The following AASDH variants were observed in gnomAD, a reference collection of about 807,000 sequenced individuals.
The protein encoded by AASDH is aminoadipate-semialdehyde dehydrogenase.
In AASDH, 81 loss-of-function variants were observed where a neutral mutation model predicts 102.3. That is an observed-to-expected ratio of 0.79 (90% CI 0.66 to 0.95). The LOEUF (loss-of-function observed/expected upper bound fraction) is 0.95. Ranked by LOEUF, AASDH falls within the 40% of genes least tolerant of loss-of-function variation. The pLI is 0.00. For missense variants in AASDH, 1,203 were observed against 1,266.2 expected, an observed-to-expected ratio of 0.95 and a Z score of 0.76; for synonymous variants, 398 against 454.0, an observed-to-expected ratio of 0.88 and a Z score of 1.57.
intron 5 of AASDH, among the ~76,000 whole-genome samples, chr4:56,357,868 A>G (rs1230729782): frequency 6.6e-6 from 1 of 151,678 alleles, no homozygotes; most frequent in East Asian, 1.9e-4. Flanking sequence ...GGATCAACTT[A>G]TTCATTTCTA....
At chr4:56,343,722 TG>T (rs1026550001) in intron 12 of AASDH, 38 bp from the exon 13 acceptor site, 3 of 1,582,198 alleles carry the variant, frequency 1.9e-6, no homozygotes. Flanking sequence ...TTCTTGTTGA[TG>T]GTTAACAAAT....
At chr4:56,371,743 TG>T in intron 4 of AASDH, 100 bp from the exon 5 acceptor site, 2 of 1,120,484 alleles carry the variant, frequency 1.8e-6, no homozygotes, top group Non-Finnish European at 2.4e-6. Context: ...AGTTTCTGAA[TG>T]TTGGCCAGAT....
chr4:56,356,748 G>T, intron 5 of AASDH: 1 of 721,826 alleles, frequency 1.4e-6, no homozygotes, highest in South Asian at 1.4e-5. Flanking sequence ...CCTTCACACA[G>T]GTTAACTTGG....
In AASDH at chr4:56,349,947, G is replaced by A. The variant is rs1042203320; in HGVS notation, c.1804C>T (p.Leu602Phe). The change falls in exon 11 of 15, where the codon CTT becomes TTT. Residue 602 changes from leucine to phenylalanine, a missense_variant. Leu to Phe is a conservative substitution (Grantham distance 22, BLOSUM62 0). Coordinates refer to ENST00000205214, the MANE Select transcript of AASDH (RefSeq NM_181806.4). ...SIRLLSEIEK[L>F]VGTSVPGLLE... The stretch of plus-strand genomic sequence containing the variant: ...AGCCCAGGTACTGATGTACCAACAA[G>A]TTTTTCAATCTCACTGAGGAGCCGG... The A allele has an allele frequency of 1.4e-5, 23 of 1,613,824 alleles. No individual in the cohort carries two copies. Among genetic ancestry groups the A allele is most frequent in the Non-Finnish European group, 1.8e-5 (21 of 1,180,040 alleles).
At chr4:56,368,034 A>C (rs1453510124) in intron 5 of AASDH, among the ~76,000 whole-genome samples, 3 of 152,120 alleles carry the variant, frequency 2.0e-5, no homozygotes, top group South Asian at 2.1e-4. Context: ...AAAAAACAAA[A>C]AACCCCATCA....
At chr4:56,368,978 C>T (rs116454776) in intron 5 of AASDH, among the ~76,000 whole-genome samples, 2,433 of 152,104 alleles carry the variant, frequency 0.016, 77 homozygotes, top group African/African-American at 0.055. Context: ...GCACGTGCCT[C>T]ACACAAAGGA....
intron 5 of AASDH, among the ~76,000 whole-genome samples, chr4:56,360,839 T>C (rs370869198): frequency 5.9e-5 from 9 of 152,186 alleles, no homozygotes; most frequent in Non-Finnish European, 1.3e-4. Context: ...GTAGAATGAC[T>C]CTACACCCTC....
rs1747986012 is a variant in AASDH, at chr4:56,343,727, A to AGGC, written c.2653-44_2653-43insGCC. The AGGC allele has an allele frequency of 3.2e-6, 5 of 1,573,982 alleles. No homozygotes were observed. In the South Asian group the frequency reaches 5.9e-5, roughly 19 times the overall value. On this transcript the variant is annotated intron_variant, in intron 12 of 14. Coordinates refer to ENST00000205214, the MANE Select transcript of AASDH (RefSeq NM_181806.4). ...AATTAATTTGTTCTTGTTGATGGTT[A>AGGC]ACAAATCCATATAACCTACCCTTCA...
At position 56,376,128 on chromosome 4, in the gene AASDH, A is replaced by G. The variant is rs549638735; in HGVS notation, c.668+2020T>C. Among the ~76,000 whole-genome samples, 11 of 151,296 alleles carry G rather than the reference A, an allele frequency of 7.3e-5. No individual in the cohort carries two copies. In the East Asian group the frequency reaches 1.8e-3, roughly 24 times the overall value. On this transcript the variant is annotated intron_variant, in intron 4 of 14. Transcript: ENST00000205214. ...AGCCTTGACCTCCTGGGCTAAATCA[A>G]TCCTTCCGCTTCAACCTCCCGAGTT...
At chr4:56,383,928 C>A in intron 2 of AASDH, 142 bp downstream of exon 2, 1 of 538,708 alleles carries the variant, frequency 1.9e-6, no homozygotes, top group Non-Finnish European at 3.1e-6. Flanking sequence ...TGGGGAAATG[C>A]AAACTTCTTT....
rs150162083 is a variant in AASDH at position 56,349,637 on chromosome 4, G to A, written c.2114C>T (p.Ala705Val). The A allele has an allele frequency of 0.017, 27,324 of 1,614,182 alleles. 272 individuals are homozygous for A. The highest frequency in any genetic ancestry group is 0.02 in the Non-Finnish European group (23,407 of 1,180,038). ...CTGTGAAACTGAGTCAGAAGGACAG[G>A]CTGAAGAGCAATGTCCTAACTTTGT... The part of the protein sequence containing the change: ...FLTKLGHCSS[A>V]CPSDSVSQTN... The change falls in exon 11 of 15, where the codon GCC becomes GTC. Residue 705 changes from alanine (A) to valine (V), a missense_variant. Coordinates refer to ENST00000205214, the MANE Select transcript of AASDH (RefSeq NM_181806.4).
chr4:56,345,645 TCACC>T (rs1393578563), intron 11 of AASDH, among the ~76,000 whole-genome samples: 9 of 152,342 alleles, frequency 5.9e-5, no homozygotes, highest in Admixed American at 5.2e-4. Flanking sequence ...GGCATTTAAA[TCACC>T]CAGTGTTGCT....
chr4:56,372,107 G>T (rs905300011), intron 4 of AASDH, among the ~76,000 whole-genome samples: 1 of 152,214 alleles, frequency 6.6e-6, no homozygotes, highest in African/African-American at 2.4e-5. Context: ...ATTATCCAGG[G>T]TTGGCTGGAT....
intron 5 of AASDH, 29 bp downstream of exon 5, chr4:56,371,422 A>C: frequency 6.4e-7 from 1 of 1,561,580 alleles, no homozygotes; most frequent in Non-Finnish European, 8.7e-7. Flanking sequence ...AAAATGATAA[A>C]CAAAACGTTC....
chr4:56,361,481 A>G (rs1750286132), intron 5 of AASDH, among the ~76,000 whole-genome samples: 1 of 152,190 alleles, frequency 6.6e-6, no homozygotes, highest in Admixed American at 6.5e-5. Flanking sequence ...TGCTAAATTG[A>G]GGGGCAGAAT....
chr4:56,339,960 G>A (rs1048952730), intron 14 of AASDH, among the ~76,000 whole-genome samples: 3 of 151,984 alleles, frequency 2.0e-5, no homozygotes, highest in African/African-American at 7.2e-5. Context: ...CCTGAGGTCA[G>A]GAGTTCGAGA....
chr4:56,351,456 G>A lies in AASDH; in HGVS notation c.1578C>T (p.Gly526=). 3 of 1,501,254 alleles carry A rather than the reference G, an allele frequency of 2.0e-6. No individual in the cohort carries two copies. Among genetic ancestry groups the A allele is most frequent in the Non-Finnish European group, 9.1e-7 (1 of 1,095,588 alleles). The allele number at this position is 1,501,254 out of a possible 1,614,324, so 93.0% of individuals were successfully genotyped here. ...TGTTTAACTCAGAAACATCAATTTT[G>A]CCTTAATATAAAAGAGAAATAACAA... ...LIDSLPFTSH[G]KIDVSELNKI... is the part of the protein sequence containing the mutation. Residue 526 remains glycine (G), a splice_region_variant and synonymous_variant, in exon 10 of 15, where the codon GGC becomes GGT. Coordinates refer to ENST00000205214, the MANE Select transcript of AASDH (RefSeq NM_181806.4).
At chr4:56,347,871 G>A (rs999226741) in intron 11 of AASDH, among the ~76,000 whole-genome samples, 2 of 152,150 alleles carry the variant, frequency 1.3e-5, no homozygotes, top group Non-Finnish European at 2.9e-5. Flanking sequence ...ATGTCCAGGA[G>A]GCCGGGTGCA....
chr4:56,370,104 G>A (rs1319708729), intron 5 of AASDH, among the ~76,000 whole-genome samples: 8 of 152,050 alleles, frequency 5.3e-5, no homozygotes, highest in East Asian at 1.9e-4. Flanking sequence ...AGTGGTTCAC[G>A]CCTGTAATCC....
Sources: gnomAD v4.1 joint callset for allele counts (sites outside exome capture counted in the v4.1 genomes callset) on GRCh38, gnomAD v4.1.1 for gene constraint, MANE v1.5 for transcripts, NCBI Gene and HGNC (gene_info 2026-07-23, HGNC 2026-07-21) for gene names.